Variants in XKR9 observed in about 807,000 individuals in gnomAD.
XKR9 encodes XK-related protein 9.
XKR9 carries 32 observed loss-of-function variants against 32.0 expected under a neutral mutation model. That is an observed-to-expected ratio of 1.00 (90% confidence interval 0.76 to 1.34). The LOEUF is 1.34. Ranked by LOEUF, XKR9 falls within the 40% of genes most tolerant of loss-of-function variation. XKR9 has a pLI of 0.00. For missense variants in XKR9, 546 were observed against 429.7 expected, an observed-to-expected ratio of 1.27 and a Z score of -2.39; for synonymous variants, 168 against 143.4, an observed-to-expected ratio of 1.17 and a Z score of -1.22.
the XKR9 span, among the ~76,000 whole-genome samples, chr8:70,847,122 AT>A: frequency 6.6e-6 from 1 of 152,064 alleles, no homozygotes; most frequent in Non-Finnish European, 1.5e-5. Flanking sequence ...TTTTTTAAAA[AT>A]TAAATGTATA....
At chr8:70,805,896 G>C in the XKR9 span, among the ~76,000 whole-genome samples, 1 of 152,172 alleles carries the variant, frequency 6.6e-6, no homozygotes, top group Non-Finnish European at 1.5e-5. Flanking sequence ...CCTCCACCAA[G>C]GGGCAGTGAA....
At chr8:70,726,200 G>C (rs1806464022) in intron 4 of XKR9, among the ~76,000 whole-genome samples, 1 of 152,188 alleles carries the variant, frequency 6.6e-6, no homozygotes, top group African/African-American at 2.4e-5. Flanking sequence ...TTGATACTTT[G>C]TAAATACATT....
At position 70,762,057 on chromosome 8, in the gene XKR9, G is replaced by A. The variant is rs143745906; in HGVS notation, n.353-27282G>A. 1.9e-3 allele frequency among the ~76,000 whole-genome samples: 285 copies of A among 152,150 alleles called. 2 individuals are homozygous for A. Among genetic ancestry groups the A allele is most frequent in the East Asian group, 0.014 (72 of 5,166 alleles). ...TCTCTATTCTGTTCCATTGGTCTAC[G>A]TGTCTGTTCTTGTACCAGTACCATG... On this transcript the variant is annotated intron_variant and non_coding_transcript_variant, in intron 2 of 3. Coordinates refer to the XKR9 transcript ENST00000520273.
At chr8:70,740,363 A>G (rs1806949062), downstream of XKR9, among the ~76,000 whole-genome samples, 1 of 151,838 alleles carries the variant, frequency 6.6e-6, no homozygotes, top group Non-Finnish European at 1.5e-5. Context: ...CTAGTTATAC[A>G]TTTGTCTAAA....
chr8:70,845,983 C>A, the XKR9 span, among the ~76,000 whole-genome samples: 2 of 152,042 alleles, frequency 1.3e-5, no homozygotes, highest in African/African-American at 2.4e-5. Flanking sequence ...CCAAAAAGGC[C>A]TTCACAGCAC....
At chr8:70,842,592 A>T in the XKR9 span, among the ~76,000 whole-genome samples, 8 of 150,550 alleles carry the variant, frequency 5.3e-5, no homozygotes, top group Non-Finnish European at 1.2e-4. Context: ...TGAAACCATG[A>T]GATCATGCTA....
intron 2 of XKR9, among the ~76,000 whole-genome samples, chr8:70,780,158 A>C (rs1017229826): frequency 2.0e-5 from 3 of 151,790 alleles, no homozygotes; most frequent in African/African-American, 7.2e-5. Flanking sequence ...TTTTTTATCT[A>C]AAGGTTTTTC....
chr8:70,687,356 T>TTCTTTCTTTCTTTCTC (rs1554544471), intron 3 of XKR9, among the ~76,000 whole-genome samples: 1 of 148,440 alleles, frequency 6.7e-6, no homozygotes, highest in African/African-American at 2.5e-5. Context: ...CTTTCTTTCT[T>TTCTTTCTTTCTTTCTC]TCTCTCTTTC....
At chr8:70,849,986 A>C in the XKR9 span, among the ~76,000 whole-genome samples, 12 of 33,826 alleles carry the variant, frequency 3.5e-4, no homozygotes, top group African/African-American at 9.5e-4. Context: ...ATAGCCTGCC[A>C]AAAAAAAAAA....
the XKR9 span, among the ~76,000 whole-genome samples, chr8:71,007,787 A>G: frequency 6.6e-6 from 1 of 152,100 alleles, no homozygotes; most frequent in African/African-American, 2.4e-5. Flanking sequence ...GATTTTTTAA[A>G]TTATTCATTT....
chr8:70,754,207 G>A (rs969468317), intron 2 of XKR9, among the ~76,000 whole-genome samples: 1 of 147,998 alleles, frequency 6.8e-6, no homozygotes, highest in African/African-American at 2.4e-5. Flanking sequence ...CAACTTACAA[G>A]GGATGTGAAG....
downstream of XKR9, among the ~76,000 whole-genome samples, chr8:70,794,702 A>G (rs1490506947): frequency 2.0e-5 from 3 of 151,706 alleles, no homozygotes; most frequent in Non-Finnish European, 4.4e-5. Context: ...AATAAGTCCT[A>G]CTTATTCCAG....
the XKR9 span, among the ~76,000 whole-genome samples, chr8:71,033,771 G>T: frequency 2.6e-5 from 4 of 152,132 alleles, no homozygotes; most frequent in Non-Finnish European, 5.9e-5. Flanking sequence ...TTTCTGCCAT[G>T]AGTGGAAGCA....
chr8:70,760,834 T>G (rs1028936475), intron 2 of XKR9, among the ~76,000 whole-genome samples: 3 of 152,158 alleles, frequency 2.0e-5, no homozygotes, highest in Non-Finnish European at 4.4e-5. Context: ...TAGTATCCAT[T>G]GGTTATTTTT....
the XKR9 span, among the ~76,000 whole-genome samples, chr8:71,016,103 T>A: frequency 6.6e-6 from 1 of 151,982 alleles, no homozygotes; most frequent in East Asian, 1.9e-4. Flanking sequence ...TAAATTTGTA[T>A]AGGAGATATG....
chr8:71,031,488 G>T, the XKR9 span, among the ~76,000 whole-genome samples: 2 of 152,110 alleles, frequency 1.3e-5, no homozygotes, highest in Non-Finnish European at 1.5e-5. Flanking sequence ...GTATTCTAAG[G>T]CCCAGTGTTC....
At chr8:70,833,933 A>G in the XKR9 span, among the ~76,000 whole-genome samples, 2 of 152,160 alleles carry the variant, frequency 1.3e-5, no homozygotes, top group Admixed American at 6.6e-5. Context: ...TAAGTGAAAT[A>G]AAAAATTTAA....
chr8:70,860,967 G>T, the XKR9 span, among the ~76,000 whole-genome samples: 1 of 152,026 alleles, frequency 6.6e-6, no homozygotes, highest in Non-Finnish European at 1.5e-5. Flanking sequence ...CTATTGTTAC[G>T]CTTATTATTA....
At chr8:70,695,209 G>T (rs1180687152) in intron 3 of XKR9, among the ~76,000 whole-genome samples, 1 of 149,352 alleles carries the variant, frequency 6.7e-6, no homozygotes, top group African/African-American at 2.5e-5. Flanking sequence ...TAAGTTTTAG[G>T]GTACATGTGT....
Sources: allele counts gnomAD v4.1 joint callset (sites outside exome capture counted in the v4.1 genomes callset), GRCh38; gene constraint gnomAD v4.1.1; transcripts MANE v1.5; gene names NCBI Gene and HGNC (gene_info 2026-07-23, HGNC 2026-07-21).